The following FIBCD1 variants were observed in gnomAD, a reference collection of about 807,000 sequenced individuals.
The protein encoded by FIBCD1 is fibrinogen C domain containing 1, also known as fibrinogen C domain-containing protein 1.
A neutral mutation model predicts 45.1 loss-of-function variants in FIBCD1; 47 were observed. The observed-to-expected ratio is 1.04, with a 90% confidence interval of 0.82 to 1.33. FIBCD1 has a LOEUF of 1.33. FIBCD1 is among the 40% of genes most tolerant of loss of function. The pLI is 0.00. For missense variants in FIBCD1, 653 were observed against 682.2 expected (o/e 0.96, Z 0.48); for synonymous variants, 313 against 308.1 (o/e 1.02, Z -0.17).
In FIBCD1 at chr9:130,935,133, T is replaced by C. The variant is rs569696141; in HGVS notation, c.72+3403A>G. Reference sequence around the variant, plus strand: ...AAATTTAATGCAGCAGGGATTTAGGTTAGACATCAGGAAGAACTTCCCAAA... The same window carrying C: ...AAATTTAATGCAGCAGGGATTTAGGCTAGACATCAGGAAGAACTTCCCAAA... On this transcript the variant is annotated intron_variant, in intron 1 of 6. Transcript: ENST00000372338. Among the ~76,000 whole-genome samples, 14 of 152,250 alleles carry C rather than the reference T, an allele frequency of 9.2e-5. No individual in the cohort carries two copies. The East Asian group carries it at 2.7e-3, about 29-fold the overall frequency.
At position 130,904,313 on chromosome 9, in the gene FIBCD1, G is replaced by A. The variant is rs993936673; in HGVS notation, c.1137C>T (p.Leu379=). Residue 379 remains leucine, a synonymous_variant, in exon 7 of 7, where the codon CTC becomes CTT. Transcript: ENST00000372338. ...ADYSGTAGDS[L]LKHSGMRFTT... is the part of the protein sequence containing the mutation. ...TGAACCTCATGCCGCTGTGCTTCAG[G>A]AGGGAGTCGCCTGCGCAGGGGTGCA... The A allele has an allele frequency of 2.4e-5, 38 of 1,607,792 alleles. No individual in the cohort carries two copies. Among genetic ancestry groups the A allele is most frequent in the Non-Finnish European group, 2.6e-5 (31 of 1,175,852 alleles).
upstream of FIBCD1, among the ~76,000 whole-genome samples, chr9:130,940,705 T>C (rs1832608182): frequency 6.6e-6 from 1 of 152,230 alleles, no homozygotes; most frequent in Admixed American, 6.5e-5. Flanking sequence ...GGCTCAGATG[T>C]TCCTGCTGTG....
chr9:130,920,217 G>C (rs1024880976), intron 4 of FIBCD1, among the ~76,000 whole-genome samples: 7 of 152,100 alleles, frequency 4.6e-5, no homozygotes, highest in Non-Finnish European at 1.0e-4. Context: ...CATCCCACTC[G>C]GCACCTTCTG....
At chr9:130,932,160 A>G (rs1241065960) in intron 1 of FIBCD1, among the ~76,000 whole-genome samples, 1 of 152,234 alleles carries the variant, frequency 6.6e-6, no homozygotes, top group Non-Finnish European at 1.5e-5. Flanking sequence ...TTGAACAGAG[A>G]CAGATGCCTC....
Position 130,922,175 on chromosome 9 carries a change from A to G in FIBCD1, c.849+1569T>C, listed in dbSNP as rs1226931925. ...CCCCCAGATGTTTGTGGGCCTGGACATCAATACACCAAAAATAGTCAGCAC... is the reference window on the plus strand; with the variant it reads ...CCCCCAGATGTTTGTGGGCCTGGACGTCAATACACCAAAAATAGTCAGCAC... On this transcript the variant is annotated intron_variant, in intron 4 of 6. Coordinates refer to ENST00000372338, the MANE Select transcript of FIBCD1 (RefSeq NM_032843.5). This position sits in a 1 kb window ranked among gnomAD's most constrained non-coding sequence, Gnocchi z 4.5. Among the ~76,000 whole-genome samples, 1 of 152,162 alleles carries G rather than the reference A, an allele frequency of 6.6e-6. No individual in the cohort carries two copies. Among genetic ancestry groups the G allele is most frequent in the Non-Finnish European group, 1.5e-5 (1 of 68,022 alleles).
Position 130,904,150 on chromosome 9 carries a change from C to G in FIBCD1, c.1300G>C (p.Gly434Arg). 2 of 1,613,574 alleles carry G rather than the reference C, an allele frequency of 1.2e-6. No individual in the cohort carries two copies. The highest frequency in any genetic ancestry group is 1.7e-6 in the Non-Finnish European group (2 of 1,179,958). Residue 434 changes from glycine to arginine, a missense_variant, in exon 7 of 7, where the codon GGC becomes CGC. Physicochemically the swap from Gly to Arg is moderately radical, Grantham distance 125. Coordinates refer to ENST00000372338, the MANE Select transcript of FIBCD1 (RefSeq NM_032843.5). Reference protein sequence around the residue: ...LRGAHASYADGVEWSSWTGWQ... With the variant: ...LRGAHASYADRVEWSSWTGWQ... Reference sequence around the variant, plus strand: ...CCGGTCCAGGAGGACCACTCCACGCCGTCGGCATAGGAGGCGTGCGCACCG... The same window carrying G: ...CCGGTCCAGGAGGACCACTCCACGCGGTCGGCATAGGAGGCGTGCGCACCG...
chr9:130,912,808 G>T (rs998242089), intron 4 of FIBCD1, among the ~76,000 whole-genome samples: 1 of 105,262 alleles, frequency 9.5e-6, no homozygotes, highest in East Asian at 3.1e-4. Flanking sequence ...CAAAGAAAGG[G>T]GGGGCAGAGT....
At position 130,923,775 on chromosome 9, in the gene FIBCD1, C is replaced by G. The variant is rs1041960885; in HGVS notation, c.818G>C (p.Cys273Ser). 6 of 1,612,818 alleles carry G rather than the reference C, an allele frequency of 3.7e-6. No individual in the cohort carries two copies. Among genetic ancestry groups the G allele is most frequent in the Non-Finnish European group, 5.1e-6 (6 of 1,179,956 alleles). ...THYPAGFQVY[C>S]DMRTDGGGWT... ...GCCGCCGCCGTCCGTGCGCATGTCA[C>G]AGTACACCTGGAAGCCGGCCGGGTA... is the stretch of plus-strand genomic sequence containing the variant. Residue 273 changes from cysteine to serine, a missense_variant, in exon 4 of 7, where the codon TGT becomes TCT. Transcript: ENST00000372338.
At chr9:130,927,199 T>C (rs1832375886) in intron 2 of FIBCD1, among the ~76,000 whole-genome samples, 1 of 150,958 alleles carries the variant, frequency 6.6e-6, no homozygotes. Context: ...GCCCTGATTG[T>C]GCCACTGCTC....
intron 4 of FIBCD1, among the ~76,000 whole-genome samples, chr9:130,919,025 C>G (rs1224282680): frequency 6.6e-6 from 1 of 152,168 alleles, no homozygotes; most frequent in African/African-American, 2.4e-5. Context: ...AACGGTACCC[C>G]CAGGCTTGGC....
intron 4 of FIBCD1, among the ~76,000 whole-genome samples, chr9:130,912,806 G>C (rs78270692): frequency 0.04 from 4,365 of 108,594 alleles, 97 homozygotes; most frequent in Middle Eastern, 0.066. Flanking sequence ...GTCAAAGAAA[G>C]GGGGGGCAGA....
intron 2 of FIBCD1, among the ~76,000 whole-genome samples, chr9:130,929,327 C>T (rs983397699): frequency 3.3e-5 from 5 of 152,158 alleles, no homozygotes; most frequent in Non-Finnish European, 7.4e-5. Context: ...TACAGTTTAC[C>T]GGGTCACCGG....
In FIBCD1 at chr9:130,928,388, TC is replaced by T. The variant is rs529877755; in HGVS notation, c.552+1178del. ...TGAGCAATTTGGAGTGAGGTGGGGG[TC>T]CCAGGTCAGCCAGAAAGTCAGGAGG... On this transcript the variant is annotated intron_variant, in intron 2 of 6. Coordinates refer to ENST00000372338, the MANE Select transcript of FIBCD1 (RefSeq NM_032843.5). 3.1e-3 allele frequency among the ~76,000 whole-genome samples: 469 copies of T among 151,608 alleles called. 1 individual carries two copies. The highest frequency in any genetic ancestry group is 4.8e-3 in the Non-Finnish European group (329 of 67,884).
upstream of FIBCD1, among the ~76,000 whole-genome samples, chr9:130,940,422 G>T (rs1289266285): frequency 6.6e-6 from 1 of 152,278 alleles, no homozygotes; most frequent in Non-Finnish European, 1.5e-5. Context: ...CACAGCAATG[G>T]CTGGGAGTCA....
At chr9:130,939,899 C>G (rs1166074766), upstream of FIBCD1, among the ~76,000 whole-genome samples, 1 of 151,960 alleles carries the variant, frequency 6.6e-6, no homozygotes, top group South Asian at 2.1e-4. Flanking sequence ...CCACACTGCC[C>G]GACGCCGCGC....
At chr9:130,913,300 C>A (rs191639608) in intron 4 of FIBCD1, among the ~76,000 whole-genome samples, 32 of 150,176 alleles carry the variant, frequency 2.1e-4, no homozygotes, top group Admixed American at 7.9e-4. Context: ...GCAGCGCCCG[C>A]GGCCCGGCCG....
chr9:130,939,733 G>A (rs1283246688), upstream of FIBCD1, among the ~76,000 whole-genome samples: 1 of 152,116 alleles, frequency 6.6e-6, no homozygotes, highest in Non-Finnish European at 1.5e-5. Flanking sequence ...GCCGGGAGGG[G>A]ATTTGTGCCA....
Position 130,911,688 on chromosome 9 carries a change from G to C in FIBCD1, c.946+104C>G. 3 of 1,042,716 alleles carry C rather than the reference G, an allele frequency of 2.9e-6. No individual in the cohort carries two copies. The Admixed American group carries it at 6.5e-5, about 22-fold the overall frequency. 64.6% of individuals were successfully genotyped at this position (1,042,716 alleles called of 1,614,324 possible). ...GCTGGCTCAGGTGTGCCGAGGCCAG[G>C]GAAACCCAGCCCAAACCCATTCAGG... On this transcript the variant is annotated intron_variant, in intron 5 of 6. Coordinates refer to ENST00000372338, the MANE Select transcript of FIBCD1 (RefSeq NM_032843.5).
intron 1 of FIBCD1, chr9:130,938,322 T>G: frequency 2.3e-6 from 1 of 430,676 alleles, no homozygotes. Context: ...GCAGCGCGCG[T>G]GGCTCCTGCA....
Sources: gnomAD v4.1 joint callset for allele counts (sites outside exome capture counted in the v4.1 genomes callset) on GRCh38, gnomAD v4.1.1 for gene constraint, Gnocchi (gnomAD v3.1) non-coding constraint, MANE v1.5 for transcripts, NCBI Gene and HGNC (gene_info 2026-07-23, HGNC 2026-07-21) for gene names.